Variants in ASAH2 observed in about 807,000 individuals in gnomAD.
ASAH2 encodes neutral ceramidase.
ASAH2 carries 58 observed loss-of-function variants against 82.9 expected under a neutral mutation model. That is an observed-to-expected ratio of 0.70 (90% CI 0.57 to 0.87). The LOEUF (loss-of-function observed/expected upper bound fraction) is 0.87. ASAH2 is among the 40% of genes least tolerant of loss of function. The probability of loss-of-function intolerance (pLI) is 0.00; values close to 1 mark genes in which losing one functional copy is unlikely to be tolerated. For synonymous variants in ASAH2, 276 were observed against 289.7 expected (o/e 0.95, Z 0.48); for missense variants, 779 against 834.0 (o/e 0.93, Z 0.81).
chr10:50,230,828 AC>A (rs1287871371), intron 7 of ASAH2, among the ~76,000 whole-genome samples: 1 of 151,974 alleles, frequency 6.6e-6, no homozygotes, highest in Non-Finnish European at 1.5e-5. Context: ...ATCACTTGAG[AC>A]CAGGAGTTTG....
At chr10:50,219,625 T>C (rs1300114995) in intron 7 of ASAH2, among the ~76,000 whole-genome samples, 1 of 152,224 alleles carries the variant, frequency 6.6e-6, no homozygotes, top group African/African-American at 2.4e-5. Flanking sequence ...GAAAAATCTT[T>C]AAACGTTTTT....
Position 50,214,825 on chromosome 10 carries a change from A to AAC in ASAH2, c.1057_1058insGT (p.Val353GlyfsTer49). The AAC allele has an allele frequency of 6.2e-7, 1 of 1,613,762 alleles. No individual in the cohort carries two copies. Reference sequence around the variant, plus strand: ...ACGTGGTCCAAGAATGTTGGGGGACACATCTCCTAGGTTTGATGAAGCAAA... The same window carrying AAC: ...ACGTGGTCCAAGAATGTTGGGGGACAACCATCTCCTAGGTTTGATGAAGCAAA... On this transcript the variant is annotated frameshift_variant, in exon 9 of 21. Coordinates refer to ENST00000682911, the MANE Select transcript of ASAH2 (RefSeq NM_019893.4). LOFTEE classifies it high-confidence loss of function.
At position 50,209,766 on chromosome 10, in the gene ASAH2, G is replaced by A. The variant is rs1184418289; in HGVS notation, c.1414+1057C>T. Among the ~76,000 whole-genome samples, 4 of 152,238 alleles carry A rather than the reference G, an allele frequency of 2.6e-5. No homozygotes were observed. In the East Asian group the frequency reaches 7.7e-4, roughly 29 times the overall value. ...TTTCTCCAAGGGAGATATATATGTGGTTAATACGCACATGAAAAGGTGTTT... is the reference window on the plus strand; with the variant it reads ...TTTCTCCAAGGGAGATATATATGTGATTAATACGCACATGAAAAGGTGTTT... On this transcript the variant is annotated intron_variant, in intron 12 of 20. Coordinates refer to ENST00000682911, the MANE Select transcript of ASAH2 (RefSeq NM_019893.4).
At chr10:50,237,678 A>T (rs1846194854) in intron 4 of ASAH2, among the ~76,000 whole-genome samples, 1 of 152,232 alleles carries the variant, frequency 6.6e-6, no homozygotes, top group South Asian at 2.1e-4. Flanking sequence ...GTGCATACAC[A>T]TCAAGAAAAC....
At chr10:50,229,659 T>C (rs1845977636) in intron 7 of ASAH2, among the ~76,000 whole-genome samples, 1 of 152,150 alleles carries the variant, frequency 6.6e-6, no homozygotes, top group African/African-American at 2.4e-5. Flanking sequence ...TGCAACACCC[T>C]GCCCTGTTGA....
chr10:50,199,412 C>A (rs1281031586), intron 16 of ASAH2, among the ~76,000 whole-genome samples: 4 of 151,844 alleles, frequency 2.6e-5, no homozygotes, highest in African/African-American at 9.7e-5. Flanking sequence ...AAAGACGGTG[C>A]TAGCTCCTAA....
intron 7 of ASAH2, among the ~76,000 whole-genome samples, chr10:50,225,003 C>A (rs1845841839): frequency 6.6e-6 from 1 of 152,182 alleles, no homozygotes; most frequent in South Asian, 2.1e-4. Flanking sequence ...AAGCATCCTG[C>A]AGAATATTTC....
At chr10:50,250,497 C>G (rs905406332) in intron 1 of ASAH2, among the ~76,000 whole-genome samples, 9 of 152,192 alleles carry the variant, frequency 5.9e-5, no homozygotes. Context: ...TTGTCAGTTT[C>G]CAGGAGTCAG....
At chr10:50,246,455 A>G (rs1420713871) in intron 2 of ASAH2, among the ~76,000 whole-genome samples, 1 of 152,238 alleles carries the variant, frequency 6.6e-6, no homozygotes, top group African/African-American at 2.4e-5. Flanking sequence ...GACAATAGTC[A>G]GGAGTTGCCA....
intron 7 of ASAH2, 71 bp from the exon 8 acceptor site, chr10:50,218,701 A>T (rs1176568676): frequency 6.3e-7 from 1 of 1,579,224 alleles, no homozygotes; most frequent in African/African-American, 1.3e-5. Context: ...TATGACTGGG[A>T]GCTTAAGTTT....
In ASAH2 at chr10:50,224,149, C is replaced by A. The variant is rs1845818355; in HGVS notation, c.894-5519G>T. ...CATGAGTTACTTAATTTATTTGAAC[C>A]TCAGTGTTCATACCTGTAACATAAT... On this transcript the variant is annotated intron_variant, in intron 7 of 20. Coordinates refer to ENST00000682911, the MANE Select transcript of ASAH2 (RefSeq NM_019893.4). 3.3e-5 allele frequency among the ~76,000 whole-genome samples: 5 copies of A among 152,242 alleles called. No individual in the cohort carries two copies. In the South Asian group the frequency reaches 1.0e-3, roughly 32 times the overall value.
Position 50,199,259 on chromosome 10 carries a change from G to A in ASAH2, c.1762-113C>T, listed in dbSNP as rs1845078140. ...TGACATCTCACATTATTCAAAACTG[G>A]CACAATCTTCAAGATTATGTATGAC... On this transcript the variant is annotated intron_variant, in intron 16 of 20. Transcript: ENST00000682911. The A allele has an allele frequency of 2.8e-5, 29 of 1,045,628 alleles. No individual in the cohort carries two copies. The South Asian group carries it at 3.9e-4, about 14-fold the overall frequency. The allele number at this position is 1,045,628 out of a possible 1,614,324, so 64.8% of individuals were successfully genotyped here.
At chr10:50,199,273 A>G in intron 16 of ASAH2, 127 bp from the exon 17 acceptor site, 1 of 907,302 alleles carries the variant, frequency 1.1e-6, no homozygotes, top group South Asian at 1.5e-5. Flanking sequence ...AATCTTCAAG[A>G]TTATGTATGA....
intron 14 of ASAH2, among the ~76,000 whole-genome samples, 175 bp downstream of exon 14, chr10:50,204,686 T>C (rs1393218830): frequency 1.3e-5 from 2 of 152,006 alleles, no homozygotes; most frequent in Admixed American, 6.6e-5. Flanking sequence ...AGCATAGAGA[T>C]AGTTATTCTT....
At chr10:50,230,962 G>A (rs1423799666) in intron 7 of ASAH2, among the ~76,000 whole-genome samples, 3 of 151,024 alleles carry the variant, frequency 2.0e-5, no homozygotes, top group African/African-American at 4.9e-5. Context: ...GATCACTTGA[G>A]CCTAGGAATT....
intron 10 of ASAH2, among the ~76,000 whole-genome samples, chr10:50,211,853 C>G (rs1291276292): frequency 1.3e-5 from 2 of 152,126 alleles, no homozygotes; most frequent in Non-Finnish European, 2.9e-5. Flanking sequence ...AAGTCATCAG[C>G]AAGACCAGCT....
At chr10:50,195,545 A>G (rs1346738761) in intron 18 of ASAH2, among the ~76,000 whole-genome samples, 1 of 151,224 alleles carries the variant, frequency 6.6e-6, no homozygotes, top group African/African-American at 2.4e-5. Flanking sequence ...ATTTCTGGGT[A>G]TATAGAGAAA....
At chr10:50,236,672 A>G (rs1846167387) in intron 4 of ASAH2, among the ~76,000 whole-genome samples, 1 of 152,178 alleles carries the variant, frequency 6.6e-6, no homozygotes, top group Admixed American at 6.5e-5. Context: ...TAGGTATGTT[A>G]TATATATTAT....
At chr10:50,217,040 C>G (rs1372352033) in intron 8 of ASAH2, among the ~76,000 whole-genome samples, 1 of 152,116 alleles carries the variant, frequency 6.6e-6, no homozygotes, top group East Asian at 1.9e-4. Flanking sequence ...CAGGAAGAGA[C>G]TGATCCCTCC....
Sources: allele counts gnomAD v4.1 joint callset (sites outside exome capture counted in the v4.1 genomes callset), GRCh38; gene constraint gnomAD v4.1.1; transcripts MANE v1.5; gene names NCBI Gene and HGNC (gene_info 2026-07-23, HGNC 2026-07-21).